The following B3GALT5 variants were observed in gnomAD, a reference collection of about 807,000 sequenced individuals.
B3GALT5 encodes the protein beta-1,3-galactosyltransferase 5.
For missense variants in B3GALT5, 328 were observed against 396.6 expected (o/e 0.83, Z 1.47); for synonymous variants, 156 against 158.6 (o/e 0.98, Z 0.12).
chr21:39,652,558 A>G (rs1368341963), intron 2 of B3GALT5, among the ~76,000 whole-genome samples: 1 of 152,202 alleles, frequency 6.6e-6, no homozygotes, highest in Non-Finnish European at 1.5e-5. Flanking sequence ...CAAATTCCTC[A>G]TTCCTTTCAT....
At chr21:39,649,889 G>A (rs2079378176) in intron 2 of B3GALT5, among the ~76,000 whole-genome samples, 1 of 152,188 alleles carries the variant, frequency 6.6e-6, no homozygotes, top group Non-Finnish European at 1.5e-5. Context: ...GCAGTGCAGA[G>A]ACAGACATGG....
intron 1 of B3GALT5, among the ~76,000 whole-genome samples, chr21:39,639,471 T>TTC: frequency 7.0e-6 from 1 of 142,160 alleles, no homozygotes; most frequent in Non-Finnish European, 1.5e-5. Flanking sequence ...TTTCTCTCTC[T>TTC]CTCTCTCTTT....
chr21:39,651,090 G>A (rs771676245), intron 2 of B3GALT5, among the ~76,000 whole-genome samples: 2 of 152,210 alleles, frequency 1.3e-5, no homozygotes, highest in African/African-American at 2.4e-5. Context: ...AGGAGTCCTC[G>A]CTATGTGAGC....
intron 2 of B3GALT5, among the ~76,000 whole-genome samples, chr21:39,654,635 A>G (rs1372700111): frequency 6.6e-6 from 1 of 152,232 alleles, no homozygotes; most frequent in Non-Finnish European, 1.5e-5. Flanking sequence ...GAAATCTATC[A>G]TGAAAGGAAG....
chr21:39,628,094 C>T (rs1394054871), intron 1 of B3GALT5, among the ~76,000 whole-genome samples: 1 of 152,080 alleles, frequency 6.6e-6, no homozygotes, highest in East Asian at 1.9e-4. Flanking sequence ...GGAGAAATTA[C>T]GTGTGCAATA....
chr21:39,639,047 G>T (rs1163202532), intron 1 of B3GALT5, among the ~76,000 whole-genome samples: 1 of 152,122 alleles, frequency 6.6e-6, no homozygotes, highest in East Asian at 1.9e-4. Flanking sequence ...GGGCTGGGTG[G>T]ACCTCTTTCC....
intron 1 of B3GALT5, among the ~76,000 whole-genome samples, chr21:39,614,619 C>T (rs530192565): frequency 2.0e-5 from 3 of 152,342 alleles, no homozygotes; most frequent in African/African-American, 7.2e-5. Flanking sequence ...CAAACTTCTC[C>T]ACACGGATGG....
At chr21:39,617,634 G>C (rs987312627) in intron 1 of B3GALT5, among the ~76,000 whole-genome samples, 10 of 152,186 alleles carry the variant, frequency 6.6e-5, no homozygotes, top group African/African-American at 2.4e-4. Flanking sequence ...GATTTGGGTG[G>C]GGACACAGAG....
In B3GALT5 at chr21:39,639,453, T is replaced by TTTC. The variant is rs1491203117; in HGVS notation, c.-391-6937_-391-6936insCTT. Reference sequence around the variant, plus strand: ...CTTTCTTTCTTTCTTTCTTTCTTTCTTTTTTTCTTTCTCTCTCTCTCTCTC... The same window carrying TTTC: ...CTTTCTTTCTTTCTTTCTTTCTTTCTTTCTTTTTTCTTTCTCTCTCTCTCTCTC... On this transcript the variant is annotated intron_variant, in intron 1 of 3. Transcript: ENST00000684187. Among the ~76,000 whole-genome samples the TTTC allele has an allele frequency of 6.5e-4, 86 of 132,942 alleles. 2 individuals carry two copies. The highest frequency in any genetic ancestry group is 2.3e-3 in the African/African-American group (74 of 31,742). The allele number at this position is 132,942 out of a possible 152,430, so 87.2% of individuals were successfully genotyped here.
intron 1 of B3GALT5, among the ~76,000 whole-genome samples, chr21:39,624,263 G>A (rs1045199580): frequency 1.3e-5 from 2 of 152,088 alleles, no homozygotes; most frequent in Non-Finnish European, 2.9e-5. Context: ...GGTGTTTTTG[G>A]TGTTTTTCCC....
intron 1 of B3GALT5, among the ~76,000 whole-genome samples, chr21:39,639,067 G>GC (rs1231417891): frequency 1.3e-5 from 2 of 152,110 alleles, no homozygotes; most frequent in Admixed American, 1.3e-4. Context: ...CCACAGCCTC[G>GC]CTCCCATATT....
intron 2 of B3GALT5, among the ~76,000 whole-genome samples, chr21:39,651,248 CA>C (rs948168769): frequency 9.2e-5 from 14 of 152,314 alleles, no homozygotes; most frequent in African/African-American, 3.4e-4. Flanking sequence ...GCTGTGGTAA[CA>C]AAGCGCCTCA....
intron 1 of B3GALT5, among the ~76,000 whole-genome samples, chr21:39,626,561 T>C (rs1045560666): frequency 6.6e-6 from 1 of 152,216 alleles, no homozygotes; most frequent in Admixed American, 6.5e-5. Flanking sequence ...GCACAGGGGT[T>C]CCAGATTTTC....
rs2079340086 is a variant in B3GALT5 at position 39,646,384 on chromosome 21, T to G, written c.-391-8T>G. 6.6e-6 allele frequency: 1 copy of G among 152,240 alleles called. No homozygotes were observed. The highest frequency in any genetic ancestry group is 1.9e-4 in the East Asian group (1 of 5,202). The allele number at this position is 152,240 out of a possible 1,614,324, so 9.4% of individuals were successfully genotyped here. ...TTACCTAACGCTCTTAAATTTTTCATACAACAGTTTCATCTGGAAGAGAGG... is the reference window on the plus strand; with the variant it reads ...TTACCTAACGCTCTTAAATTTTTCAGACAACAGTTTCATCTGGAAGAGAGG... On this transcript the variant is annotated splice_polypyrimidine_tract_variant and splice_region_variant and intron_variant, in intron 1 of 3. Coordinates refer to ENST00000684187, the MANE Select transcript of B3GALT5 (RefSeq NM_001356336.2).
chr21:39,639,289 T>TTG (rs759774223), intron 1 of B3GALT5, among the ~76,000 whole-genome samples: 1 of 38,128 alleles, frequency 2.6e-5, no homozygotes, highest in African/African-American at 1.0e-4. Flanking sequence ...GGCATCTGGC[T>TTG]CTTTCTTTCT....
At position 39,664,362 on chromosome 21, in the gene B3GALT5, T is replaced by C. The variant is rs1051789369; in HGVS notation, c.*2870T>C. 6.6e-6 allele frequency: 1 copy of C among 152,444 alleles called. No individual in the cohort carries two copies. The highest frequency in any genetic ancestry group is 2.4e-5 in the African/African-American group (1 of 41,386). 9.4% of individuals were successfully genotyped at this position (152,444 alleles called of 1,614,324 possible). ...CTACTGTGACTGTGGCAGAAGCCAC[T>C]TGGCCCCCGTGGTGCCAGAACCCCT... On this transcript the variant is annotated 3_prime_UTR_variant, in exon 4 of 4. Transcript: ENST00000684187.
rs1173536897 is a variant in B3GALT5, at chr21:39,671,139, A to T, written c.*9647A>T. On this transcript the variant is annotated 3_prime_UTR_variant, in exon 4 of 4. Transcript: ENST00000684187. Reference sequence around the variant, plus strand: ...CTCTTATAATAACATTAATTCATTCATGACAGCAGAACCCTCCTGACCCAG... The same window carrying T: ...CTCTTATAATAACATTAATTCATTCTTGACAGCAGAACCCTCCTGACCCAG... 2.2e-4 allele frequency: 34 copies of T among 152,210 alleles called. No individual in the cohort carries two copies. Among genetic ancestry groups the T allele is most frequent in the Admixed American group, 2.2e-3 (34 of 15,286 alleles). 9.4% of individuals were successfully genotyped at this position (152,210 alleles called of 1,614,324 possible).
In B3GALT5 at chr21:39,660,856, C is replaced by T; in HGVS notation, c.297C>T (p.Thr99=). The T allele has an allele frequency of 6.2e-7, 1 of 1,611,730 alleles. No homozygotes were observed. The highest frequency in any genetic ancestry group is 1.1e-5 in the South Asian group (1 of 90,542). The part of the protein sequence containing the change: ...KQLKTFFLLG[T]TSSAAETKEV... ...TGAAGACATTCTTCCTCCTGGGGAC[C>T]ACCAGCAGTGCAGCGGAAACGAAAG... The change falls in exon 4 of 4, where the codon ACC becomes ACT. Residue 99 remains threonine, a synonymous_variant. Coordinates refer to ENST00000684187, the MANE Select transcript of B3GALT5 (RefSeq NM_001356336.2).
chr21:39,643,686 T>G (rs1274386601), intron 1 of B3GALT5, among the ~76,000 whole-genome samples: 1 of 152,228 alleles, frequency 6.6e-6, no homozygotes, highest in African/African-American at 2.4e-5. Context: ...TGCCACAGAT[T>G]GCTAGGAGAC....
Sources: allele counts gnomAD v4.1 joint callset (sites outside exome capture counted in the v4.1 genomes callset), GRCh38; gene constraint gnomAD v4.1.1; transcripts MANE v1.5; gene names NCBI Gene and HGNC (gene_info 2026-07-23, HGNC 2026-07-21).